ACYP2: variants seen among roughly 807,000 people sequenced by gnomAD.
ACYP2 encodes the protein acylphosphatase 2, also known as acylphosphatase-2.
A neutral mutation model predicts 11.2 loss-of-function variants in ACYP2; 12 were observed. The observed-to-expected ratio is 1.08, with a 90% CI of 0.69 to 1.74. The LOEUF is 1.74. ACYP2 is among the 40% of genes most tolerant of loss of function. The pLI, the probability that ACYP2 is intolerant of heterozygous loss-of-function variation, is 0.00. For synonymous variants in ACYP2, 43 were observed against 32.2 expected, an observed-to-expected ratio of 1.33 and a Z score of -1.13; for missense variants, 134 against 101.9, an observed-to-expected ratio of 1.31 and a Z score of -1.35.
chr2:54,040,025 C>G (rs536901466), intron 2 of ACYP2, among the ~76,000 whole-genome samples: 1 of 152,138 alleles, frequency 6.6e-6, no homozygotes, highest in African/African-American at 2.4e-5. Flanking sequence ...CTGGCCCAGG[C>G]TTCTGTGTTG....
intron 3 of ACYP2, chr2:54,051,059 C>G: frequency 2.0e-6 from 1 of 503,328 alleles, no homozygotes; most frequent in Non-Finnish European, 3.5e-6. Context: ...AGGTGAGAAC[C>G]ACCGTCCTTG....
At chr2:54,125,520 C>T (rs534411255) in intron 4 of ACYP2, among the ~76,000 whole-genome samples, 46 of 150,710 alleles carry the variant, frequency 3.1e-4, no homozygotes, top group South Asian at 6.3e-4. Context: ...GAGGCCGAGG[C>T]GAGCAGATAA....
chr2:53,984,610 T>C (rs1056152807), intron 2 of ACYP2, among the ~76,000 whole-genome samples: 1 of 150,486 alleles, frequency 6.6e-6, no homozygotes, highest in Non-Finnish European at 1.5e-5. Context: ...GAAAAGTGTG[T>C]GTATGCATAT....
At chr2:54,160,604 A>G (rs1275277876) in intron 6 of ACYP2, among the ~76,000 whole-genome samples, 2 of 152,238 alleles carry the variant, frequency 1.3e-5, no homozygotes, top group Non-Finnish European at 2.9e-5. Flanking sequence ...AGAAGGTGGA[A>G]TAAGGACCTT....
intron 4 of ACYP2, among the ~76,000 whole-genome samples, chr2:54,061,923 CTT>C (rs1676490765): frequency 6.6e-6 from 1 of 152,090 alleles, no homozygotes; most frequent in Non-Finnish European, 1.5e-5. Context: ...AAAATAAAAA[CTT>C]AACAGGGCGC....
chr2:54,194,147 C>T (rs35951108), intron 6 of ACYP2, among the ~76,000 whole-genome samples: 2 of 152,118 alleles, frequency 1.3e-5, no homozygotes, highest in Non-Finnish European at 2.9e-5. Context: ...CAAGTGATTT[C>T]TCCTGCCTCA....
At chr2:54,186,074 G>A (rs531463124) in intron 6 of ACYP2, among the ~76,000 whole-genome samples, 6 of 152,114 alleles carry the variant, frequency 3.9e-5, no homozygotes, top group Non-Finnish European at 8.8e-5. Context: ...CATGCGAAAT[G>A]TTTAATATCC....
At chr2:54,016,996 A>G (rs549928508) in intron 2 of ACYP2, among the ~76,000 whole-genome samples, 2 of 150,448 alleles carry the variant, frequency 1.3e-5, no homozygotes, top group East Asian at 3.9e-4. Context: ...AAGTGCTGAG[A>G]TTACAGGCGT....
intron 6 of ACYP2, among the ~76,000 whole-genome samples, chr2:54,204,079 C>G (rs189181204): frequency 1.8e-4 from 28 of 152,312 alleles, no homozygotes; most frequent in Non-Finnish European, 3.1e-4. Context: ...ACTGCGACCT[C>G]TGCCTCCCAC....
At chr2:54,295,983 A>G (rs1005605576) in intron 6 of ACYP2, among the ~76,000 whole-genome samples, 1 of 152,198 alleles carries the variant, frequency 6.6e-6, no homozygotes, top group East Asian at 1.9e-4. Flanking sequence ...ATGGTCTCGC[A>G]TTCCTGGCCT....
intron 6 of ACYP2, among the ~76,000 whole-genome samples, chr2:54,298,450 TA>T (rs1438233908): frequency 6.6e-6 from 1 of 152,166 alleles, no homozygotes; most frequent in Non-Finnish European, 1.5e-5. Context: ...AAATGATTTT[TA>T]AAAACCCTTA....
intron 6 of ACYP2, among the ~76,000 whole-genome samples, chr2:54,150,416 T>TTTTG (rs914288713): frequency 1.3e-5 from 2 of 152,188 alleles, no homozygotes; most frequent in South Asian, 2.1e-4. Flanking sequence ...TGTGTTTCTT[T>TTTTG]TTTGTTTGTT....
At chr2:54,044,622 C>G (rs1036668693) in intron 2 of ACYP2, among the ~76,000 whole-genome samples, 1 of 151,810 alleles carries the variant, frequency 6.6e-6, no homozygotes. Flanking sequence ...AAAAAAAGAT[C>G]CTGGGAGGCA....
intron 6 of ACYP2, among the ~76,000 whole-genome samples, chr2:54,203,171 T>C (rs1684926104): frequency 6.6e-6 from 1 of 151,734 alleles, no homozygotes; most frequent in Non-Finnish European, 1.5e-5. Flanking sequence ...TTTCAGTTTA[T>C]AGTCTTGCAC....
In ACYP2 at chr2:54,029,223, G is replaced by A. The variant is rs7586933; in HGVS notation, c.63-21735G>A. 3.3e-4 allele frequency among the ~76,000 whole-genome samples: 50 copies of A among 152,056 alleles called. 1 individual carries two copies. Among genetic ancestry groups the A allele is most frequent in the African/African-American group, 1.2e-3 (49 of 41,460 alleles). On this transcript the variant is annotated intron_variant, in intron 2 of 6. Transcript: ENST00000607452. ...TGATTTTTCAGTGAACCTTCAGAGG[G>A]TGAAGAGGAAGTTTTCCCTTCACTC...
chr2:54,027,837 CTTTTTTTT>C (rs34122179), intron 2 of ACYP2, among the ~76,000 whole-genome samples: 1 of 97,892 alleles, frequency 1.0e-5, no homozygotes, highest in East Asian at 3.1e-4. Flanking sequence ...TTCTTTCTTT[CTTTTTTTT>C]TTTTTTTTTT....
intron 4 of ACYP2, among the ~76,000 whole-genome samples, chr2:54,108,011 C>T (rs1679258025): frequency 6.6e-6 from 1 of 152,148 alleles, no homozygotes; most frequent in African/African-American, 2.4e-5. Context: ...CACTCCGGGA[C>T]CCGCCAAGCT....
intron 2 of ACYP2, among the ~76,000 whole-genome samples, chr2:54,008,514 A>G (rs1216698309): frequency 6.6e-6 from 1 of 152,176 alleles, no homozygotes; most frequent in Non-Finnish European, 1.5e-5. Context: ...TTTACCAATC[A>G]AGTGAATCAC....
rs114800588 is a variant in ACYP2, at chr2:54,196,833, G to C, written c.404+58085G>C. The stretch of plus-strand genomic sequence containing the variant: ...AGCCCCACATTTATGTGAATTGCCT[G>C]TTTGATTTCCTGTGAAAGTGTATCA... On this transcript the variant is annotated intron_variant, in intron 6 of 6. Coordinates refer to ENST00000607452, the MANE Select transcript of ACYP2 (RefSeq NM_001320586.2). Among the ~76,000 whole-genome samples the C allele has an allele frequency of 5.8e-3, 886 of 152,324 alleles. 6 individuals are homozygous for C. Among genetic ancestry groups the C allele is most frequent in the African/African-American group, 0.02 (843 of 41,566 alleles).
Sources: gnomAD v4.1 joint callset for allele counts (sites outside exome capture counted in the v4.1 genomes callset) on GRCh38, gnomAD v4.1.1 for gene constraint, MANE v1.5 for transcripts, NCBI Gene and HGNC (gene_info 2026-07-23, HGNC 2026-07-21) for gene names.